SLC44A5: variants seen among roughly 807,000 people sequenced by gnomAD.
The protein encoded by SLC44A5 is solute carrier family 44 member 5, also known as choline transporter-like protein 5.
SLC44A5 carries 57 observed loss-of-function variants against 101.8 expected under a neutral mutation model. The observed-to-expected ratio is 0.56, with a 90% CI of 0.45 to 0.70. The LOEUF is 0.70. SLC44A5 is among the 30% of genes least tolerant of loss of function. The pLI, the probability that SLC44A5 is intolerant of heterozygous loss-of-function variation, is 0.00. For missense variants in SLC44A5, 737 were observed against 853.1 expected (o/e 0.86, Z 1.70); for synonymous variants, 281 against 290.9 (o/e 0.97, Z 0.35).
At chr1:75,692,122 A>C in the SLC44A5 span, among the ~76,000 whole-genome samples, 18 of 152,260 alleles carry the variant, frequency 1.2e-4, no homozygotes, top group African/African-American at 4.3e-4. Context: ...ACCACAAGTA[A>C]AAAACACAGA....
intron 6 of SLC44A5, among the ~76,000 whole-genome samples, chr1:75,256,908 G>C (rs1397008656): frequency 2.0e-5 from 3 of 152,112 alleles, no homozygotes; most frequent in Non-Finnish European, 2.9e-5. Flanking sequence ...ATGTATATGA[G>C]TTAGAAATAT....
At chr1:75,674,012 G>A in the SLC44A5 span, among the ~76,000 whole-genome samples, 1 of 152,040 alleles carries the variant, frequency 6.6e-6, no homozygotes, top group African/African-American at 2.4e-5. Context: ...AGACACCAAT[G>A]AACATCTAAA....
At chr1:75,324,585 C>A (rs947374816) in intron 4 of SLC44A5, among the ~76,000 whole-genome samples, 4 of 152,082 alleles carry the variant, frequency 2.6e-5, no homozygotes, top group African/African-American at 9.7e-5. Context: ...CAAGTGCATG[C>A]GTACATCATG....
At chr1:75,247,961 G>A (rs548490760) in intron 7 of SLC44A5, among the ~76,000 whole-genome samples, 1 of 151,978 alleles carries the variant, frequency 6.6e-6, no homozygotes, top group Non-Finnish European at 1.5e-5. Flanking sequence ...AGTAGCTGGA[G>A]GGGGATGTGG....
chr1:75,279,543 G>GT (rs1008573487), intron 5 of SLC44A5, among the ~76,000 whole-genome samples: 109 of 152,212 alleles, frequency 7.2e-4, no homozygotes, highest in African/African-American at 2.3e-3. Context: ...AGAAATATTT[G>GT]TTTTTTAAGT....
intron 1 of SLC44A5, among the ~76,000 whole-genome samples, chr1:75,608,331 A>C (rs544597375): frequency 4.0e-5 from 6 of 148,588 alleles, no homozygotes; most frequent in African/African-American, 1.5e-4. Flanking sequence ...TGTGAGGGGT[A>C]TGTGTGTGTG....
At chr1:75,233,772 G>A (rs1647815829) in intron 12 of SLC44A5, among the ~76,000 whole-genome samples, 1 of 152,060 alleles carries the variant, frequency 6.6e-6, no homozygotes, top group Non-Finnish European at 1.5e-5. Flanking sequence ...AGAGTAAAAT[G>A]TTCTGACAGC....
chr1:75,661,386 G>GAAAAAAAAAAAAAAAA, the SLC44A5 span, among the ~76,000 whole-genome samples: 1 of 10,378 alleles, frequency 9.6e-5, no homozygotes, highest in African/African-American at 3.7e-4. Flanking sequence ...ACTACTGCAA[G>GAAAAAAAAAAAAAAAA]TAAAAAAAAA....
intron 4 of SLC44A5, among the ~76,000 whole-genome samples, chr1:75,318,045 C>T (rs575024940): frequency 8.5e-5 from 13 of 152,196 alleles, no homozygotes; most frequent in African/African-American, 2.6e-4. Flanking sequence ...ATACAGTAAA[C>T]CTCTTTTAAA....
intron 2 of SLC44A5, among the ~76,000 whole-genome samples, chr1:75,451,410 G>A (rs566288724): frequency 8.5e-4 from 130 of 152,112 alleles, no homozygotes; most frequent in Middle Eastern, 6.8e-3. Context: ...TGTGCATAAG[G>A]CTATAGAAGC....
intron 2 of SLC44A5, among the ~76,000 whole-genome samples, chr1:75,441,758 A>C (rs1449464146): frequency 1.4e-5 from 2 of 144,298 alleles, no homozygotes. Flanking sequence ...AAGTGTTTTT[A>C]AATATTAGCC....
the SLC44A5 span, among the ~76,000 whole-genome samples, chr1:75,693,660 A>G: frequency 6.6e-6 from 1 of 152,182 alleles, no homozygotes; most frequent in Non-Finnish European, 1.5e-5. Context: ...TGAGAACTGC[A>G]TACTGGAGCC....
the SLC44A5 span, among the ~76,000 whole-genome samples, chr1:75,640,734 GA>G: frequency 1.3e-5 from 2 of 152,086 alleles, no homozygotes; most frequent in East Asian, 3.9e-4. Flanking sequence ...CATGGATCAT[GA>G]AGTAGAGTTG....
At chr1:75,373,613 C>G (rs1614816) in intron 3 of SLC44A5, among the ~76,000 whole-genome samples, 95,215 of 151,958 alleles carry the variant, frequency 0.63, 31,332 homozygotes, top group East Asian at 0.96. Context: ...GCTGACTGTT[C>G]GGCCAGGAGA....
chr1:75,590,790 T>G (rs1387237134), intron 1 of SLC44A5, among the ~76,000 whole-genome samples: 1 of 152,018 alleles, frequency 6.6e-6, no homozygotes, highest in African/African-American at 2.4e-5. Context: ...CAACAATAAA[T>G]AGAAAATCAG....
intron 2 of SLC44A5, among the ~76,000 whole-genome samples, chr1:75,473,113 G>A (rs1867352): frequency 0.58 from 87,592 of 152,002 alleles, 26,969 homozygotes; most frequent in East Asian, 0.93. Context: ...GAATGTCATC[G>A]GAACTTCCTG....
intron 5 of SLC44A5, among the ~76,000 whole-genome samples, chr1:75,289,236 AAG>A (rs1381850428): frequency 6.6e-6 from 1 of 152,212 alleles, no homozygotes; most frequent in African/African-American, 2.4e-5. Context: ...CTGCTTTACA[AAG>A]AGGTGTGTCA....
chr1:75,575,496 A>G (rs1485191683), intron 1 of SLC44A5, among the ~76,000 whole-genome samples: 1 of 152,198 alleles, frequency 6.6e-6, no homozygotes, highest in Non-Finnish European at 1.5e-5. Flanking sequence ...TTACAAATAC[A>G]TATTTCTAAG....
At chr1:75,283,355 T>C (rs563711538) in intron 5 of SLC44A5, among the ~76,000 whole-genome samples, 98 of 152,266 alleles carry the variant, frequency 6.4e-4, no homozygotes, top group Admixed American at 1.1e-3. Context: ...CTTTGGTGTT[T>C]TTCTTTCTGA....
Sources: allele counts gnomAD v4.1 joint callset (sites outside exome capture counted in the v4.1 genomes callset), GRCh38; gene constraint gnomAD v4.1.1; transcripts MANE v1.5; gene names NCBI Gene and HGNC (gene_info 2026-07-23, HGNC 2026-07-21).